Variants in TBC1D5 observed in about 807,000 individuals in gnomAD.
The protein encoded by TBC1D5 is TBC1 domain family member 5, also known as TBC1 domain family, member 5.
A neutral mutation model predicts 100.3 loss-of-function variants in TBC1D5; 75 were observed. The observed-to-expected ratio is 0.75, with a 90% CI of 0.62 to 0.91. The LOEUF is 0.91. Among genes scored for constraint, TBC1D5 ranks in the 40% least tolerant of loss-of-function variants. The pLI, the probability that TBC1D5 is intolerant of heterozygous loss-of-function variation, is 0.00. For missense variants in TBC1D5, 910 were observed against 942.4 expected (o/e 0.97, Z 0.45); for synonymous variants, 323 against 325.6 (o/e 0.99, Z 0.09).
chr3:17,662,517 AT>A (rs1400676292), intron 1 of TBC1D5, among the ~76,000 whole-genome samples: 6 of 152,192 alleles, frequency 3.9e-5, no homozygotes, highest in Non-Finnish European at 7.3e-5. Flanking sequence ...TATTTTATGT[AT>A]TTGATTTTTT....
intron 13 of TBC1D5, among the ~76,000 whole-genome samples, chr3:17,358,340 A>G (rs1292694986): frequency 1.3e-5 from 2 of 152,020 alleles, no homozygotes; most frequent in Non-Finnish European, 2.9e-5. Flanking sequence ...ATGTGCCACC[A>G]GGCCTGGGTA....
At chr3:17,734,126 G>C (rs2076780727) in intron 1 of TBC1D5, among the ~76,000 whole-genome samples, 1 of 152,152 alleles carries the variant, frequency 6.6e-6, no homozygotes, top group Non-Finnish European at 1.5e-5. Context: ...ATAATGTCTA[G>C]TGTAGCACTA....
At position 17,361,566 on chromosome 3, in the gene TBC1D5, T is replaced by A. The variant is rs1266827627; in HGVS notation, c.995+10509A>T. Among the ~76,000 whole-genome samples the A allele has an allele frequency of 3.3e-5, 5 of 152,154 alleles. No individual in the cohort carries two copies. The East Asian group carries it at 9.6e-4, about 29-fold the overall frequency. ...CATACAAAATCATGTTTTTAGATCA[T>A]AATGGAATTTAATAAATTTTTAAAA... On this transcript the variant is annotated intron_variant, in intron 13 of 21. Coordinates refer to ENST00000253692, the Ensembl canonical transcript of TBC1D5.
chr3:17,246,708 C>T (rs981967370), intron 16 of TBC1D5, among the ~76,000 whole-genome samples: 8 of 152,164 alleles, frequency 5.3e-5, no homozygotes, highest in African/African-American at 1.9e-4. Context: ...TGAACCTCAA[C>T]CTTTACCTCA....
At chr3:17,518,413 G>C (rs1400389573) in intron 2 of TBC1D5, among the ~76,000 whole-genome samples, 2 of 152,206 alleles carry the variant, frequency 1.3e-5, no homozygotes, top group Admixed American at 6.5e-5. Flanking sequence ...GGCTTGACTT[G>C]AAAGGGACAG....
intron 2 of TBC1D5, among the ~76,000 whole-genome samples, chr3:17,521,884 G>C (rs1402787281): frequency 1.3e-5 from 2 of 151,946 alleles, no homozygotes; most frequent in East Asian, 1.9e-4. Flanking sequence ...ATATGTTGTA[G>C]TCCATATTAA....
At chr3:17,683,976 T>A (rs1470149727) in intron 1 of TBC1D5, among the ~76,000 whole-genome samples, 3 of 152,184 alleles carry the variant, frequency 2.0e-5, no homozygotes, top group Non-Finnish European at 4.4e-5. Flanking sequence ...TATCTGTGTA[T>A]CTTCCAAGGA....
chr3:17,486,478 C>T (rs2095570028), intron 3 of TBC1D5, among the ~76,000 whole-genome samples: 1 of 152,154 alleles, frequency 6.6e-6, no homozygotes, highest in East Asian at 1.9e-4. Flanking sequence ...TTAGGTCTAA[C>T]GTTTCAGTCT....
At position 17,307,952 on chromosome 3, in the gene TBC1D5, G is replaced by A. The variant is rs188544839; in HGVS notation, c.1138+40C>T. 69 of 1,577,462 alleles carry A rather than the reference G, an allele frequency of 4.4e-5. No individual in the cohort carries two copies. In the Admixed American group the frequency reaches 8.0e-4, roughly 18 times the overall value. On this transcript the variant is annotated intron_variant, in intron 14 of 21. Coordinates refer to ENST00000253692, the Ensembl canonical transcript of TBC1D5. Reference sequence around the variant, plus strand: ...AAGGCAAAACATTTTTGAAAATCAGGAGTACCTAGTCAAATGTAGGAAAGG... The same window carrying A: ...AAGGCAAAACATTTTTGAAAATCAGAAGTACCTAGTCAAATGTAGGAAAGG...
intron 13 of TBC1D5, among the ~76,000 whole-genome samples, chr3:17,341,307 C>T (rs1191482959): frequency 1.3e-5 from 2 of 152,104 alleles, no homozygotes; most frequent in East Asian, 1.9e-4. Context: ...CGCCATTCTC[C>T]GGCCTCAGCC....
chr3:17,368,390 G>A (rs1214946882), intron 13 of TBC1D5, among the ~76,000 whole-genome samples: 1 of 151,874 alleles, frequency 6.6e-6, no homozygotes, highest in Non-Finnish European at 1.5e-5. Context: ...ATATTCTCTT[G>A]GAAAAACTGG....
Position 17,460,983 on chromosome 3 carries a change from G to A in TBC1D5, c.98-32464C>T, listed in dbSNP as rs535138409. ...CAGACTAATATAGAAGTCTTGGCAC[G>A]AATAATAAGATAACTGTGGTTGATC... On this transcript the variant is annotated intron_variant, in intron 3 of 21. Transcript: ENST00000253692. Among the ~76,000 whole-genome samples, 5 of 152,210 alleles carry A rather than the reference G, an allele frequency of 3.3e-5. No individual in the cohort carries two copies. In the South Asian group the frequency reaches 1.0e-3, roughly 32 times the overall value.
chr3:17,611,188 G>A (rs1452914007), intron 2 of TBC1D5, among the ~76,000 whole-genome samples: 2 of 152,166 alleles, frequency 1.3e-5, no homozygotes, highest in Non-Finnish European at 2.9e-5. Flanking sequence ...AAAGGGAGGT[G>A]TCTGGGGAGG....
chr3:17,172,303 T>C (rs1477584857), intron 19 of TBC1D5, among the ~76,000 whole-genome samples: 1 of 152,180 alleles, frequency 6.6e-6, no homozygotes, highest in Non-Finnish European at 1.5e-5. Context: ...TTCCCCTATA[T>C]AAGGTGGCAT....
chr3:17,295,103 A>G (rs1274565337), intron 14 of TBC1D5, among the ~76,000 whole-genome samples: 1 of 152,228 alleles, frequency 6.6e-6, no homozygotes, highest in East Asian at 1.9e-4. Context: ...CTACATGTAA[A>G]ATGAAGTATG....
chr3:17,635,457 G>C (rs1050491173), intron 1 of TBC1D5, among the ~76,000 whole-genome samples: 17 of 152,142 alleles, frequency 1.1e-4, no homozygotes, highest in Non-Finnish European at 2.4e-4. Context: ...GAGGCAGGTG[G>C]ATCACGTGAG....
intron 3 of TBC1D5, among the ~76,000 whole-genome samples, chr3:17,476,548 G>GTT (rs34030779): frequency 6.6e-6 from 1 of 151,218 alleles, no homozygotes; most frequent in African/African-American, 2.4e-5. Context: ...AAATGTGCAT[G>GTT]TTTTTTTTCA....
At chr3:17,388,875 C>CAAACAAAG (rs531726036) in intron 8 of TBC1D5, among the ~76,000 whole-genome samples, 175 of 151,650 alleles carry the variant, frequency 1.2e-3, no homozygotes, top group Non-Finnish European at 2.0e-3. Flanking sequence ...ACAAAACAAA[C>CAAACAAAG]AAACAAAGAA....
exon 5 of TBC1D5, chr3:17,406,481 T>A (rs1469060615): frequency 6.2e-7 from 1 of 1,612,214 alleles, no homozygotes; most frequent in African/African-American, 1.3e-5. Context: ...TCTGCCTTAT[T>A]GTTGCCAAGT....
Sources: allele counts gnomAD v4.1 joint callset (sites outside exome capture counted in the v4.1 genomes callset), GRCh38; gene constraint gnomAD v4.1.1; transcripts MANE v1.5; gene names NCBI Gene and HGNC (gene_info 2026-07-23, HGNC 2026-07-21).